The following ZNF821 variants were observed in gnomAD, a reference collection of about 807,000 sequenced individuals.
ZNF821 encodes the protein zinc finger protein 821.
In ZNF821, 16 loss-of-function variants were observed where a neutral mutation model predicts 44.3. That is an observed-to-expected ratio of 0.36 (90% confidence interval 0.24 to 0.55). The LOEUF is 0.55. Among genes scored for constraint, ZNF821 ranks in the 20% least tolerant of loss-of-function variants. The probability of loss-of-function intolerance (pLI) is 0.86; values close to 1 mark genes in which losing one functional copy is unlikely to be tolerated. For synonymous variants in ZNF821, 204 were observed against 197.6 expected (o/e 1.03, Z -0.27); for missense variants, 436 against 547.6 (o/e 0.80, Z 2.03).
chr16:71,892,825 G>A (rs2036896851), intron 1 of ZNF821, among the ~76,000 whole-genome samples: 1 of 148,368 alleles, frequency 6.7e-6, no homozygotes, highest in African/African-American at 2.5e-5. Context: ...TCCGCCTCCC[G>A]GTTCAAGCGA....
intron 1 of ZNF821, 21 bp from the exon 2 acceptor site, chr16:71,883,294 A>G: frequency 2.3e-6 from 1 of 438,412 alleles, no homozygotes; most frequent in South Asian, 1.6e-5. Flanking sequence ...GGAGAGGACA[A>G]GAAAGCTGGT....
intron 4 of ZNF821, 89 bp from the exon 5 acceptor site, chr16:71,865,137 A>G (rs935128367): frequency 4.6e-6 from 7 of 1,518,460 alleles, no homozygotes; most frequent in Non-Finnish European, 5.4e-6. Flanking sequence ...GTTACAATAG[A>G]AAACATTTTC....
chr16:71,861,290 G>T (rs920645322), intron 7 of ZNF821, among the ~76,000 whole-genome samples: 13 of 152,240 alleles, frequency 8.5e-5, no homozygotes, highest in Admixed American at 3.9e-4. Flanking sequence ...TGCAGGGGCA[G>T]TCCTGCTGTG....
chr16:71,871,620 T>C (rs2035205144), intron 3 of ZNF821, among the ~76,000 whole-genome samples: 1 of 152,142 alleles, frequency 6.6e-6, no homozygotes, highest in Non-Finnish European at 1.5e-5. Context: ...TATTATTCCC[T>C]TCTGTCTTGA....
rs896439294 is a variant in ZNF821 at position 71,859,889 on chromosome 16, A to G, written c.*129T>C. ...GCAAGGGCTGCTCAGGTCCACCTGC[A>G]ATAAACCCAGGCCTGCCTCTGGCAG... On this transcript the variant is annotated 3_prime_UTR_variant, in exon 8 of 8. Transcript: ENST00000425432. 15 of 1,106,054 alleles carry G rather than the reference A, an allele frequency of 1.4e-5. No individual in the cohort carries two copies. The African/African-American group carries it at 2.2e-4, about 16-fold the overall frequency. 68.5% of individuals were successfully genotyped at this position (1,106,054 alleles called of 1,614,324 possible). A position where few individuals can be genotyped will look rare whatever the true frequency, so the allele number is the denominator to read the frequency against.
At chr16:71,885,305 A>T (rs532231010), upstream of ZNF821, 1 of 152,398 alleles carries the variant, frequency 6.6e-6, no homozygotes, top group African/African-American at 2.4e-5. Context: ...CAGAGGAAAG[A>T]AGATGAGATC....
chr16:71,876,702 G>A (rs1269812229), intron 3 of ZNF821, among the ~76,000 whole-genome samples: 1 of 151,996 alleles, frequency 6.6e-6, no homozygotes, highest in Admixed American at 6.6e-5. Context: ...CGACCTTTTG[G>A]GTTCAAGCGA....
At chr16:71,895,083 C>T in exon 1 of ZNF821, 1 of 405,798 alleles carries the variant, frequency 2.5e-6, no homozygotes, top group Non-Finnish European at 4.5e-6. Flanking sequence ...TTCGAAACCC[C>T]CTCGGCCGCT....
At chr16:71,869,234 G>A (rs1299449672) in intron 3 of ZNF821, among the ~76,000 whole-genome samples, 3 of 152,178 alleles carry the variant, frequency 2.0e-5, no homozygotes, top group South Asian at 4.1e-4. Context: ...TCTGACAATA[G>A]CCAGGCCCTT....
intron 3 of ZNF821, among the ~76,000 whole-genome samples, chr16:71,877,984 T>A (rs2036012898): frequency 6.8e-6 from 1 of 147,318 alleles, no homozygotes; most frequent in East Asian, 2.0e-4. Flanking sequence ...TATATATATT[T>A]TATATATATA....
At chr16:71,890,231 CT>C (rs202040134) in intron 1 of ZNF821, among the ~76,000 whole-genome samples, 6 of 151,108 alleles carry the variant, frequency 4.0e-5, no homozygotes, top group Non-Finnish European at 7.4e-5. Flanking sequence ...CTTGTATATT[CT>C]TTTTTTTATT....
intron 1 of ZNF821, among the ~76,000 whole-genome samples, chr16:71,893,029 C>CTTTT (rs1199482590): frequency 3.0e-5 from 2 of 65,908 alleles, no homozygotes; most frequent in Non-Finnish European, 5.1e-5. Flanking sequence ...CCCTGCCTGG[C>CTTTT]TTTTTTTTTT....
chr16:71,884,304 T>C (rs965775439), upstream of ZNF821: 6 of 151,662 alleles, frequency 4.0e-5, no homozygotes, highest in African/African-American at 1.5e-4. Flanking sequence ...AGAGGGGCTC[T>C]GGAGAGGAGG....
chr16:71,886,940 G>C (rs2036860203), upstream of ZNF821, among the ~76,000 whole-genome samples: 1 of 152,206 alleles, frequency 6.6e-6, no homozygotes, highest in Admixed American at 6.5e-5. Flanking sequence ...TCTCGTGTCT[G>C]GCTTTTGTCA....
At chr16:71,868,116 A>C in intron 3 of ZNF821, 79 bp from the exon 4 acceptor site, 1 of 1,468,204 alleles carries the variant, frequency 6.8e-7, no homozygotes, top group South Asian at 1.3e-5. Context: ...AGGTCAGACC[A>C]TTCAAAGGTA....
rs2036726748 is a variant in ZNF821 at position 71,884,148 on chromosome 16, G to A, written c.-381C>T. ...AGACAGACGGAGGGGGAAAAAGATG[G>A]CGACGCGGGCGGCGGGAGCGCGCGG... On this transcript the variant is annotated 5_prime_UTR_variant, in exon 1 of 8. Coordinates refer to ENST00000425432, the MANE Select transcript of ZNF821 (RefSeq NM_001201552.2). 1 of 152,144 alleles carries A rather than the reference G, an allele frequency of 6.6e-6. No individual in the cohort carries two copies. The highest frequency in any genetic ancestry group is 1.5e-5 in the Non-Finnish European group (1 of 68,072). The allele number at this position is 152,144 out of a possible 1,614,324, so 9.4% of individuals were successfully genotyped here.
At chr16:71,894,752 T>G (rs1020297086) in intron 1 of ZNF821, 2 of 903,212 alleles carry the variant, frequency 2.2e-6, no homozygotes, top group African/African-American at 1.7e-5. Flanking sequence ...TCCAGGCTGG[T>G]CTGCAACTCC....
chr16:71,883,160 GA>G (rs762119779), intron 2 of ZNF821, 50 bp downstream of exon 2: 4 of 455,906 alleles, frequency 8.8e-6, no homozygotes, highest in African/African-American at 2.0e-5. Context: ...ACTTTGGCAA[GA>G]AAAAAAACGA....
chr16:71,894,838 G>A, intron 1 of ZNF821: 1 of 1,534,366 alleles, frequency 6.5e-7, no homozygotes, highest in Non-Finnish European at 8.7e-7. Context: ...AGCGATAATG[G>A]TTTTCAAGTT....
Sources: allele counts gnomAD v4.1 joint callset (sites outside exome capture counted in the v4.1 genomes callset), GRCh38; gene constraint gnomAD v4.1.1; transcripts MANE v1.5; gene names NCBI Gene and HGNC (gene_info 2026-07-23, HGNC 2026-07-21).